Variants in PDE7B observed in about 807,000 individuals in gnomAD.
PDE7B encodes the protein phosphodiesterase 7B, also known as 3',5'-cyclic-AMP phosphodiesterase 7B.
Under a neutral mutation model 56.2 loss-of-function variants are expected in PDE7B, and 29 were observed. The ratio of observed to expected loss-of-function variants is 0.52; its 90% confidence interval spans 0.38 to 0.70. The LOEUF (loss-of-function observed/expected upper bound fraction) is 0.70. PDE7B is among the 30% of genes least tolerant of loss of function. PDE7B has a pLI of 0.00. For synonymous variants in PDE7B, 197 were observed against 196.9 expected (o/e 1.00, Z 0.00); for missense variants, 490 against 565.0 (o/e 0.87, Z 1.35).
In PDE7B at chr6:136,001,825, A is replaced by G. The variant is rs561930552; in HGVS notation, c.82+54301A>G. 2.0e-4 allele frequency among the ~76,000 whole-genome samples: 30 copies of G among 152,140 alleles called. No homozygotes were observed. In the East Asian group the frequency reaches 4.6e-3, roughly 23 times the overall value. ...CCCCAATCTAGCAAGGCAGGCCAAC[A>G]TTCAGATTCAGGAAATACAGAGAAC... is the stretch of plus-strand genomic sequence containing the variant. On this transcript the variant is annotated intron_variant, in intron 2 of 12. Transcript: ENST00000308191.
intron 2 of PDE7B, among the ~76,000 whole-genome samples, chr6:135,977,363 G>T (rs1219505623): frequency 6.6e-6 from 1 of 152,108 alleles, no homozygotes; most frequent in Non-Finnish European, 1.5e-5. Flanking sequence ...GGATCATTTT[G>T]CCATCAGCTT....
chr6:136,125,148 C>T lies in PDE7B; in HGVS notation c.166+16334C>T, dbSNP rs767954062. Reference sequence around the variant, plus strand: ...CCAAAGCGTGGTATGGGAACACAGGCGATATTTTTGTTACAGAAACAACCT... The same window carrying T: ...CCAAAGCGTGGTATGGGAACACAGGTGATATTTTTGTTACAGAAACAACCT... On this transcript the variant is annotated intron_variant, in intron 3 of 12. Coordinates refer to ENST00000308191, the MANE Select transcript of PDE7B (RefSeq NM_018945.4). 3.9e-5 allele frequency among the ~76,000 whole-genome samples: 6 copies of T among 152,006 alleles called. No individual in the cohort carries two copies. The East Asian group carries it at 5.8e-4, about 15-fold the overall frequency.
chr6:135,962,110 GC>G (rs1170201634), intron 2 of PDE7B, among the ~76,000 whole-genome samples: 1 of 152,094 alleles, frequency 6.6e-6, no homozygotes, highest in Non-Finnish European at 1.5e-5. Flanking sequence ...ATGGGAAATT[GC>G]TTTACCTTCC....
At chr6:135,971,440 A>G (rs918034652) in intron 2 of PDE7B, among the ~76,000 whole-genome samples, 2 of 152,192 alleles carry the variant, frequency 1.3e-5, no homozygotes, top group African/African-American at 4.8e-5. Context: ...AGCGGGAAAG[A>G]GAGATTGCTC....
Position 136,092,663 on chromosome 6 carries a change from A to G in PDE7B, c.83-16068A>G, listed in dbSNP as rs1777407891. ...GTAGTCCCAGCTACTCGGGAGGCTG[A>G]GGCAGGAGAATCGCTTGATCCCAGG... On this transcript the variant is annotated intron_variant, in intron 2 of 12. Transcript: ENST00000308191. Among the ~76,000 whole-genome samples, 4 of 152,308 alleles carry G rather than the reference A, an allele frequency of 2.6e-5. No individual in the cohort carries two copies. In the South Asian group the frequency reaches 8.3e-4, roughly 32 times the overall value.
rs111923944 is a variant in PDE7B at position 135,894,686 on chromosome 6, C to T, written c.21+42667C>T. Reference sequence around the variant, plus strand: ...ACAATTAACCTGTCCAAAGGGGTTGCGTGGCTGATGTTTAACTTTCCACCC... The same window carrying T: ...ACAATTAACCTGTCCAAAGGGGTTGTGTGGCTGATGTTTAACTTTCCACCC... On this transcript the variant is annotated intron_variant, in intron 1 of 12. Coordinates refer to ENST00000308191, the MANE Select transcript of PDE7B (RefSeq NM_018945.4). Among the ~76,000 whole-genome samples the T allele has an allele frequency of 7.9e-3, 1,198 of 152,150 alleles. 7 individuals carry two copies. Among genetic ancestry groups the T allele is most frequent in the Non-Finnish European group, 0.014 (941 of 67,992 alleles).
chr6:136,006,165 T>C (rs1216651433), intron 2 of PDE7B, among the ~76,000 whole-genome samples: 2 of 126,516 alleles, frequency 1.6e-5, no homozygotes, highest in African/African-American at 3.1e-5. Context: ...TGAGAACATA[T>C]GGACACAGGA....
intron 1 of PDE7B, among the ~76,000 whole-genome samples, chr6:135,873,180 T>C (rs1583724180): frequency 6.6e-6 from 1 of 152,204 alleles, no homozygotes; most frequent in East Asian, 1.9e-4. Flanking sequence ...TGGCAATTGT[T>C]GTTTAACTCC....
intron 2 of PDE7B, among the ~76,000 whole-genome samples, chr6:136,030,107 G>A (rs940018939): frequency 6.6e-6 from 1 of 151,892 alleles, no homozygotes; most frequent in African/African-American, 2.4e-5. Context: ...AGGAAATATT[G>A]GTGTTCATAA....
chr6:135,946,521 G>A (rs1020366462), intron 1 of PDE7B, among the ~76,000 whole-genome samples: 6 of 151,910 alleles, frequency 3.9e-5, no homozygotes, highest in East Asian at 3.9e-4. Context: ...ATTCCATCCC[G>A]CAATGTGTGA....
chr6:135,858,601 C>T (rs1775083220), intron 1 of PDE7B, among the ~76,000 whole-genome samples: 1 of 152,158 alleles, frequency 6.6e-6, no homozygotes, highest in Admixed American at 6.5e-5. Flanking sequence ...GCCCATCATT[C>T]TTATTTGAGT....
chr6:136,190,992 CTTCT>C (rs1175093805), intron 12 of PDE7B, among the ~76,000 whole-genome samples: 1 of 142,170 alleles, frequency 7.0e-6, no homozygotes, highest in African/African-American at 2.9e-5. Flanking sequence ...CTCCGCCTGC[CTTCT>C]TTAGCTCCAG....
At chr6:136,093,904 C>T (rs895800939) in intron 2 of PDE7B, 14 of 152,312 alleles carry the variant, frequency 9.2e-5, no homozygotes, top group African/African-American at 3.1e-4. Context: ...ATTCTCCTGT[C>T]TTCTGTTTCA....
intron 1 of PDE7B, among the ~76,000 whole-genome samples, chr6:135,935,490 A>G (rs974580564): frequency 6.6e-6 from 1 of 151,912 alleles, no homozygotes; most frequent in Admixed American, 6.6e-5. Flanking sequence ...AAATGGATTC[A>G]GTGTATTTTT....
chr6:135,902,610 G>A (rs1776024520), intron 1 of PDE7B, among the ~76,000 whole-genome samples: 1 of 152,036 alleles, frequency 6.6e-6, no homozygotes, highest in South Asian at 2.1e-4. Flanking sequence ...ATGGACAACT[G>A]GAAAAATATA....
intron 3 of PDE7B, among the ~76,000 whole-genome samples, chr6:136,131,833 T>A (rs1204484190): frequency 6.6e-6 from 1 of 152,180 alleles, no homozygotes; most frequent in Admixed American, 6.5e-5. Context: ...GTTATTTCTC[T>A]AGGTGTTTTC....
chr6:136,103,955 A>G (rs754604044), intron 2 of PDE7B, among the ~76,000 whole-genome samples: 1 of 152,194 alleles, frequency 6.6e-6, no homozygotes, highest in Non-Finnish European at 1.5e-5. Context: ...CAGTTACATA[A>G]GAGGCTACAT....
At chr6:135,888,509 G>C (rs1400761263) in intron 1 of PDE7B, among the ~76,000 whole-genome samples, 1 of 152,046 alleles carries the variant, frequency 6.6e-6, no homozygotes, top group African/African-American at 2.4e-5. Context: ...TAACACCTTA[G>C]AATAGGTTCT....
Position 136,181,307 on chromosome 6 carries a change from A to C in PDE7B, c.1029A>C (p.Glu343Asp), listed in dbSNP as rs767549994. ...AGCAGTGGAGTGAAAGGGTCTGTGA[A>C]GAATTCTACAGGCAAGGTTAGTAGT... ...MSKQWSERVC[E>D]EFYRQGELEQ... Residue 343 changes from glutamate (E) to aspartate (D), a missense_variant, in exon 11 of 13, where the codon GAA (glutamate) becomes GAC (aspartate). Coordinates refer to ENST00000308191, the MANE Select transcript of PDE7B (RefSeq NM_018945.4). The C allele has an allele frequency of 1.1e-5, 17 of 1,607,012 alleles. No homozygotes were observed. Among genetic ancestry groups the C allele is most frequent in the Non-Finnish European group, 1.4e-5 (17 of 1,173,474 alleles).
Sources: gnomAD v4.1 joint callset for allele counts (sites outside exome capture counted in the v4.1 genomes callset) on GRCh38, gnomAD v4.1.1 for gene constraint, MANE v1.5 for transcripts, NCBI Gene and HGNC (gene_info 2026-07-23, HGNC 2026-07-21) for gene names.